Variants in SYN2 observed in about 807,000 individuals in gnomAD.
SYN2 encodes synapsin II.
A neutral mutation model predicts 50.9 loss-of-function variants in SYN2; 19 were observed. The observed-to-expected ratio is 0.37, with a 90% CI of 0.26 to 0.55. The LOEUF (loss-of-function observed/expected upper bound fraction) is 0.55, where lower values mean the gene tolerates loss of function less well. Among genes scored for constraint, SYN2 ranks in the 20% least tolerant of loss-of-function variants. SYN2 has a pLI of 0.81. For synonymous variants in SYN2, 255 were observed against 224.9 expected (o/e 1.13, Z -1.20); for missense variants, 587 against 576.4 (o/e 1.02, Z -0.19).
At chr3:12,022,482 A>C (rs1447314286) in intron 1 of SYN2, among the ~76,000 whole-genome samples, 1 of 152,102 alleles carries the variant, frequency 6.6e-6, no homozygotes, top group African/African-American at 2.4e-5. Context: ...ATCTCGGCTC[A>C]CTGCAACCTT....
chr3:12,183,783 A>G, intron 11 of SYN2: 2 of 1,076,950 alleles, frequency 1.9e-6, no homozygotes, highest in Non-Finnish European at 2.3e-6. Context: ...TGTGGGGTGA[A>G]ATGGGAGTAG....
At chr3:12,141,451 A>G (rs982360160) in intron 2 of SYN2, among the ~76,000 whole-genome samples, 2 of 152,252 alleles carry the variant, frequency 1.3e-5, no homozygotes, top group Non-Finnish European at 2.9e-5. Flanking sequence ...AGAGAGTACA[A>G]GTAACTTGCT....
intron 3 of SYN2, among the ~76,000 whole-genome samples, chr3:12,142,970 C>T (rs1215786263): frequency 6.6e-6 from 1 of 152,154 alleles, no homozygotes; most frequent in Admixed American, 6.5e-5. Context: ...AAGAGATGTC[C>T]ATCCGGGTGG....
chr3:12,036,304 T>A (rs1305796367), intron 1 of SYN2, among the ~76,000 whole-genome samples: 1 of 152,168 alleles, frequency 6.6e-6, no homozygotes, highest in African/African-American at 2.4e-5. Context: ...GCTCTGTTCC[T>A]GTGACAAGTC....
intron 1 of SYN2, among the ~76,000 whole-genome samples, chr3:12,008,351 A>G (rs1430612619): frequency 6.6e-6 from 1 of 152,232 alleles, no homozygotes; most frequent in East Asian, 1.9e-4. Flanking sequence ...ATTTACTAAG[A>G]AAAATGAGAC....
intron 1 of SYN2, among the ~76,000 whole-genome samples, chr3:12,065,150 G>A (rs1226378567): frequency 6.6e-6 from 1 of 152,058 alleles, no homozygotes; most frequent in Non-Finnish European, 1.5e-5. Flanking sequence ...ATTTCAATAA[G>A]GTACCATCTC....
chr3:12,184,099 CTT>C, intron 11 of SYN2: 1 of 985,898 alleles, frequency 1.0e-6, no homozygotes, highest in Non-Finnish European at 1.2e-6. Flanking sequence ...CTGTAGAGCT[CTT>C]GTGTTTTTAG....
chr3:12,071,035 C>T (rs1695341166), intron 1 of SYN2: 3 of 559,268 alleles, frequency 5.4e-6, no homozygotes, highest in Admixed American at 3.8e-5. Flanking sequence ...GCTTTCCTTC[C>T]TGGGCATGGA....
At chr3:12,165,678 G>A (rs1312433344) in intron 7 of SYN2, 1 of 152,058 alleles carries the variant, frequency 6.6e-6, no homozygotes, top group Non-Finnish European at 1.5e-5. Context: ...CCATGGCTCT[G>A]TGCTGGGGAC....
chr3:12,055,771 G>C (rs1258620481), intron 1 of SYN2, among the ~76,000 whole-genome samples: 1 of 151,946 alleles, frequency 6.6e-6, no homozygotes, highest in African/African-American at 2.4e-5. Context: ...TCTATTTATT[G>C]GCTGTTGGCA....
chr3:12,066,756 C>T (rs751464776), intron 1 of SYN2, among the ~76,000 whole-genome samples: 5 of 152,008 alleles, frequency 3.3e-5, no homozygotes, highest in Non-Finnish European at 5.9e-5. Context: ...TGTATTAGTC[C>T]GTTCTCACAC....
At chr3:12,159,868 C>T (rs993120021) in intron 5 of SYN2, among the ~76,000 whole-genome samples, 3 of 151,506 alleles carry the variant, frequency 2.0e-5, no homozygotes, top group African/African-American at 7.3e-5. Flanking sequence ...CATGATGAAA[C>T]TCCGTCCCTA....
intron 1 of SYN2, among the ~76,000 whole-genome samples, chr3:12,103,251 T>C (rs991903023): frequency 6.6e-6 from 1 of 152,076 alleles, no homozygotes; most frequent in African/African-American, 2.4e-5. Flanking sequence ...ATTTATTATA[T>C]AACAGAGCTT....
At chr3:12,018,985 C>T (rs1694075472) in intron 1 of SYN2, among the ~76,000 whole-genome samples, 1 of 152,150 alleles carries the variant, frequency 6.6e-6, no homozygotes, top group Non-Finnish European at 1.5e-5. Flanking sequence ...CTAGTTAGAA[C>T]TGTGTAGGTA....
chr3:12,170,043 T>TCCTTC (rs1697905108), intron 10 of SYN2, 137 bp downstream of exon 10: 2 of 1,140,998 alleles, frequency 1.8e-6, no homozygotes, highest in East Asian at 2.7e-5. Context: ...ATCTCCCTCT[T>TCCTTC]CCTTCCCTTC....
chr3:12,020,325 C>T (rs747733100), intron 1 of SYN2, among the ~76,000 whole-genome samples: 6 of 146,332 alleles, frequency 4.1e-5, no homozygotes, highest in Admixed American at 1.4e-4. Context: ...TCTTCCCCCC[C>T]ACCCTGGCCC....
chr3:12,124,684 G>A (rs574722492), intron 1 of SYN2, among the ~76,000 whole-genome samples: 2 of 152,224 alleles, frequency 1.3e-5, no homozygotes, highest in East Asian at 1.9e-4. Flanking sequence ...AATGCAGGTC[G>A]TAGGCAGATA....
chr3:12,069,378 A>C (rs1439531097), intron 1 of SYN2, among the ~76,000 whole-genome samples: 1 of 151,964 alleles, frequency 6.6e-6, no homozygotes, highest in Non-Finnish European at 1.5e-5. Flanking sequence ...CCTCCTGAGC[A>C]GCTGGGATTA....
intron 5 of SYN2, among the ~76,000 whole-genome samples, chr3:12,159,900 G>A (rs377406132): frequency 1.3e-5 from 2 of 151,944 alleles, no homozygotes; most frequent in Admixed American, 6.6e-5. Flanking sequence ...AAAGTTAGCC[G>A]GGCGTGGTGG....
Sources: gnomAD v4.1 joint callset for allele counts (sites outside exome capture counted in the v4.1 genomes callset) on GRCh38, gnomAD v4.1.1 for gene constraint, MANE v1.5 for transcripts, NCBI Gene and HGNC (gene_info 2026-07-23, HGNC 2026-07-21) for gene names.